PCDHGA6: variants seen among roughly 807,000 people sequenced by gnomAD.
PCDHGA6 encodes protocadherin gamma-A6.
PCDHGA6 carries 41 observed loss-of-function variants against 60.6 expected under a neutral mutation model. The ratio of observed to expected loss-of-function variants is 0.68; its 90% CI spans 0.53 to 0.88. PCDHGA6 has a LOEUF of 0.88. Ranked by LOEUF, PCDHGA6 falls within the 40% of genes least tolerant of loss-of-function variation. The pLI is 0.00. For synonymous variants in PCDHGA6, 594 were observed against 524.4 expected (o/e 1.13, Z -1.81); for missense variants, 1,312 against 1,203.0 (o/e 1.09, Z -1.34).
chr5:141,388,161 G>A (rs2150354529), intron 1 of PCDHGA6: 4 of 1,475,088 alleles, frequency 2.7e-6, no homozygotes, highest in South Asian at 1.2e-5. Flanking sequence ...GCTAGACAGG[G>A]AGGAGATATG....
intron 1 of PCDHGA6, chr5:141,478,778 C>A: frequency 6.7e-7 from 1 of 1,488,178 alleles, no homozygotes; most frequent in Non-Finnish European, 8.9e-7. Flanking sequence ...ATCTGTGGAC[C>A]TAATTCACAT....
intron 1 of PCDHGA6, among the ~76,000 whole-genome samples, chr5:141,470,591 G>A (rs1271473509): frequency 1.3e-5 from 2 of 152,132 alleles, no homozygotes; most frequent in African/African-American, 4.8e-5. Flanking sequence ...ATAGGCAGGC[G>A]ACCTGTGCGG....
chr5:141,374,689 G>T lies in PCDHGA6; in HGVS notation c.606G>T (p.Arg202=). 1.2e-6 allele frequency: 2 copies of T among 1,609,578 alleles called. No homozygotes were observed. Among genetic ancestry groups the T allele is most frequent in the East Asian group, 4.5e-5 (2 of 44,728 alleles). Reference sequence around the variant, plus strand: ...TGGTGCTGGAGGGCACACTGGACCGGGAAGGAGAAGCCGTTTACCGCCTGG... The same window carrying T: ...TGGTGCTGGAGGGCACACTGGACCGTGAAGGAGAAGCCGTTTACCGCCTGG... The part of the protein sequence containing the change: ...PELVLEGTLD[R]EGEAVYRLVL... Residue 202 remains arginine, a synonymous_variant, in exon 1 of 4, where the codon CGG becomes CGT. Transcript: ENST00000517434.
chr5:141,420,065 G>A (rs1253164840), intron 1 of PCDHGA6: 4 of 1,614,018 alleles, frequency 2.5e-6, no homozygotes, highest in Non-Finnish European at 3.4e-6. Flanking sequence ...CTCCAAGTCC[G>A]GACCTGTGGG....
intron 1 of PCDHGA6, chr5:141,393,420 G>A (rs2092755571): frequency 1.2e-6 from 2 of 1,614,050 alleles, no homozygotes; most frequent in Non-Finnish European, 1.7e-6. Context: ...CCTGGACAGG[G>A]AGGAAGAGGC....
intron 1 of PCDHGA6, chr5:141,417,592 TG>T: frequency 2.1e-6 from 1 of 485,078 alleles, no homozygotes; most frequent in Non-Finnish European, 3.5e-6. Context: ...ACAGAGCCTC[TG>T]GGCGCCGCCG....
Position 141,511,319 on chromosome 5 carries a change from C to A in PCDHGA6, c.*146C>A. On this transcript the variant is annotated 3_prime_UTR_variant, in exon 4 of 4. Coordinates refer to ENST00000517434, the MANE Select transcript of PCDHGA6 (RefSeq NM_018919.3). ...CCATGCTCCCCTTGGGAAACAGAAA[C>A]AAGTGCCCAGTCAGCACCTACCCCT... is the stretch of plus-strand genomic sequence containing the variant. 6.8e-7 allele frequency: 1 copy of A among 1,477,420 alleles called. No homozygotes were observed. The highest frequency in any genetic ancestry group is 9.0e-7 in the Non-Finnish European group (1 of 1,108,340). 91.5% of individuals were successfully genotyped at this position (1,477,420 alleles called of 1,614,324 possible).
In PCDHGA6 at chr5:141,501,310, C is replaced by T. The variant is rs958976594; in HGVS notation, c.2484-4083C>T. ...CCTTATACACACACACACACACACA[C>T]ACACACACACACACACACACACACC... On this transcript the variant is annotated intron_variant, in intron 2 of 3. Transcript: ENST00000517434. Among the ~76,000 whole-genome samples, 4 of 151,684 alleles carry T rather than the reference C, an allele frequency of 2.6e-5. No individual in the cohort carries two copies. The South Asian group carries it at 8.3e-4, about 32-fold the overall frequency.
rs61612330 is a variant in PCDHGA6, at chr5:141,454,796, A to ATTTTTTTTTTTT, written c.2425-39993_2425-39982dup. Among the ~76,000 whole-genome samples, 573 of 77,460 alleles carry ATTTTTTTTTTTT rather than the reference A, an allele frequency of 7.4e-3. 68 individuals carry two copies. Among genetic ancestry groups the ATTTTTTTTTTTT allele is most frequent in the Non-Finnish European group, 9.0e-3 (384 of 42,814 alleles). The allele number at this position is 77,460 out of a possible 152,430, so 50.8% of individuals were successfully genotyped here. A position where few individuals can be genotyped will look rare whatever the true frequency, so the allele number is the denominator to read the frequency against. On this transcript the variant is annotated intron_variant, in intron 1 of 3. Coordinates refer to ENST00000517434, the MANE Select transcript of PCDHGA6 (RefSeq NM_018919.3). ...AAGGAAATAATCCTCCATGGTTCTA[A>ATTTTTTTTTTTT]TTTTTTTTTTTTTTTTTTTTTTTTT...
At chr5:141,453,331 C>G (rs1224258701) in intron 1 of PCDHGA6, among the ~76,000 whole-genome samples, 1 of 151,962 alleles carries the variant, frequency 6.6e-6, no homozygotes, top group East Asian at 1.9e-4. Flanking sequence ...TGGGGTCTCA[C>G]TATGTTTCCC....
chr5:141,427,991 C>T (rs748924488), intron 1 of PCDHGA6: 1 of 1,599,024 alleles, frequency 6.3e-7, no homozygotes, highest in Non-Finnish European at 8.6e-7. Context: ...GGCCCGATGG[C>T]TCCGCACTCT....
intron 1 of PCDHGA6, chr5:141,426,760 C>T (rs935248232): frequency 4.4e-6 from 2 of 456,284 alleles, no homozygotes; most frequent in African/African-American, 4.0e-5. Context: ...GCTATAGATG[C>T]AGATGTAGGG....
rs1281778338 is a variant in PCDHGA6, at chr5:141,512,281, G to A, written c.*1108G>A. ...TGGGTACTCCAGAGGTGCCACTGGTGGAAGGGTCAGCGGAGCCCCAGCAGG... is the reference window on the plus strand; with the variant it reads ...TGGGTACTCCAGAGGTGCCACTGGTAGAAGGGTCAGCGGAGCCCCAGCAGG... On this transcript the variant is annotated 3_prime_UTR_variant, in exon 4 of 4. Transcript: ENST00000517434. 6.5e-6 allele frequency: 1 copy of A among 152,810 alleles called. No homozygotes were observed. Among genetic ancestry groups the A allele is most frequent in the Non-Finnish European group, 1.5e-5 (1 of 68,178 alleles). The allele number at this position is 152,810 out of a possible 1,614,324, so 9.5% of individuals were successfully genotyped here.
chr5:141,408,328 C>A, intron 1 of PCDHGA6: 1 of 1,613,910 alleles, frequency 6.2e-7, no homozygotes, highest in South Asian at 1.1e-5. Flanking sequence ...AGGAGCTGGC[C>A]AAGGGCTCGG....
Position 141,490,387 on chromosome 5 carries a change from G to C in PCDHGA6, c.2425-4420G>C. 2 of 1,614,196 alleles carry C rather than the reference G, an allele frequency of 1.2e-6. No individual in the cohort carries two copies. The highest frequency in any genetic ancestry group is 1.7e-6 in the Non-Finnish European group (2 of 1,180,034). On this transcript the variant is annotated intron_variant, in intron 1 of 3. Transcript: ENST00000517434. This position sits in a 1 kb window ranked among gnomAD's most constrained non-coding sequence, Gnocchi z 5.4. ...GCGAGACCGGGACTCAGGTAGAAATGGTGAAGTGAGCCTTGATATCTCTCC... is the reference window on the plus strand; with the variant it reads ...GCGAGACCGGGACTCAGGTAGAAATCGTGAAGTGAGCCTTGATATCTCTCC...
At chr5:141,384,568 G>A (rs1780218340) in intron 1 of PCDHGA6, 1 of 1,614,118 alleles carries the variant, frequency 6.2e-7, no homozygotes, top group Non-Finnish European at 8.5e-7. Context: ...GGACCAGAAT[G>A]ACAACCCGCC....
rs2097536640 is a variant in PCDHGA6 at position 141,432,779 on chromosome 5, G to C, written c.2424+56272G>C. 3 of 1,614,170 alleles carry C rather than the reference G, an allele frequency of 1.9e-6. No individual in the cohort carries two copies. The highest frequency in any genetic ancestry group is 2.5e-6 in the Non-Finnish European group (3 of 1,180,002). On this transcript the variant is annotated intron_variant, in intron 1 of 3. Coordinates refer to ENST00000517434, the MANE Select transcript of PCDHGA6 (RefSeq NM_018919.3). The surrounding 1 kb of genome is among the most constrained non-coding windows in gnomAD (Gnocchi z 6.0). Reference sequence around the variant, plus strand: ...CGACAGCATCCCCCAAGTCCTGGCGGACCTCGGCAGCCTCGAGTCTCCAGC... The same window carrying C: ...CGACAGCATCCCCCAAGTCCTGGCGCACCTCGGCAGCCTCGAGTCTCCAGC...
intron 1 of PCDHGA6, chr5:141,441,637 C>T (rs1200679247): frequency 4.4e-6 from 1 of 228,574 alleles, no homozygotes; most frequent in South Asian, 4.8e-5. Context: ...GAGCCACAGG[C>T]GCTGTGATTC....
intron 1 of PCDHGA6, among the ~76,000 whole-genome samples, chr5:141,494,382 G>C (rs1311387598): frequency 6.6e-6 from 1 of 152,182 alleles, no homozygotes; most frequent in Non-Finnish European, 1.5e-5. Flanking sequence ...CCCAGCTGAG[G>C]AGTTGAATAA....
Sources: allele counts gnomAD v4.1 joint callset (sites outside exome capture counted in the v4.1 genomes callset), GRCh38; gene constraint gnomAD v4.1.1; non-coding constraint Gnocchi (gnomAD v3.1); transcripts MANE v1.5; gene names NCBI Gene and HGNC (gene_info 2026-07-23, HGNC 2026-07-21).